The following ZFP91 variants were observed in gnomAD, a reference collection of about 807,000 sequenced individuals.
ZFP91 encodes E3 ubiquitin-protein ligase ZFP91.
A neutral mutation model predicts 63.5 loss-of-function variants in ZFP91; 7 were observed. That is an observed-to-expected ratio of 0.11 (90% CI 0.06 to 0.21). The LOEUF is 0.21. ZFP91 is among the 10% of genes least tolerant of loss of function. The pLI, the probability that ZFP91 is intolerant of heterozygous loss-of-function variation, is 1.00. For synonymous variants in ZFP91, 330 were observed against 272.1 expected, an observed-to-expected ratio of 1.21 and a Z score of -2.10; for missense variants, 628 against 736.6, an observed-to-expected ratio of 0.85 and a Z score of 1.71.
rs1658900193 is a variant in ZFP91, at chr11:58,617,883, C to G, written c.*177C>G. The G allele has an allele frequency of 5.4e-6, 4 of 746,228 alleles. No homozygotes were observed. Among genetic ancestry groups the G allele is most frequent in the Non-Finnish European group, 7.4e-6 (4 of 538,298 alleles). The allele number at this position is 746,228 out of a possible 1,614,324, so 46.2% of individuals were successfully genotyped here. A position where few individuals can be genotyped will look rare whatever the true frequency, so the allele number is the denominator to read the frequency against. ...CCTCCACCTCCCCATCCCCTGTTCT[C>G]CCTCTGTTGCTCCCCTTATAAAATT... is the stretch of plus-strand genomic sequence containing the variant. On this transcript the variant is annotated 3_prime_UTR_variant, in exon 11 of 11. Coordinates refer to ENST00000316059, the MANE Select transcript of ZFP91 (RefSeq NM_053023.5). The surrounding 1 kb of genome is among the most constrained non-coding windows in gnomAD (Gnocchi z 4.2).
intron 2 of ZFP91, among the ~76,000 whole-genome samples, chr11:58,591,567 T>C (rs1023525136): frequency 2.6e-5 from 4 of 152,198 alleles, no homozygotes; most frequent in African/African-American, 9.7e-5. Flanking sequence ...ACCCTAATAA[T>C]GTCCTTCATG....
At chr11:58,606,356 T>A (rs1855570151) in intron 2 of ZFP91, among the ~76,000 whole-genome samples, 1 of 152,206 alleles carries the variant, frequency 6.6e-6, no homozygotes, top group African/African-American at 2.4e-5. Context: ...TGTGAGCCAC[T>A]GTACCCGGCC....
intron 2 of ZFP91, among the ~76,000 whole-genome samples, chr11:58,589,815 A>G (rs1192038815): frequency 6.6e-6 from 1 of 152,170 alleles, no homozygotes; most frequent in African/African-American, 2.4e-5. Context: ...GTTCTTTTCC[A>G]TTATTAATTT....
intron 1 of ZFP91, 152 bp downstream of exon 1, chr11:58,579,774 C>T (rs940786900): frequency 2.7e-5 from 19 of 708,952 alleles, no homozygotes; most frequent in Admixed American, 1.2e-4. Flanking sequence ...CCCCGGGAGC[C>T]TTCGTGCCTC....
intron 2 of ZFP91, among the ~76,000 whole-genome samples, chr11:58,607,001 A>G (rs7112500): frequency 0.03 from 4,565 of 152,112 alleles, 229 homozygotes; most frequent in African/African-American, 0.1. Flanking sequence ...AAGATAGGCT[A>G]TTATGCCTTA....
At chr11:58,612,478 A>G (rs1332931156) in intron 7 of ZFP91, 150 bp downstream of exon 7, 3 of 712,388 alleles carry the variant, frequency 4.2e-6, no homozygotes, top group Non-Finnish European at 7.0e-6. Flanking sequence ...CACAGGTGTT[A>G]TGATCTTATT....
At chr11:58,596,145 A>C (rs181158856) in intron 2 of ZFP91, among the ~76,000 whole-genome samples, 242 of 152,316 alleles carry the variant, frequency 1.6e-3, no homozygotes, top group Non-Finnish European at 2.7e-3. Flanking sequence ...TCTGGAGAGA[A>C]GAAAATTTAT....
At chr11:58,596,025 A>G (rs894086904) in intron 2 of ZFP91, among the ~76,000 whole-genome samples, 4 of 152,198 alleles carry the variant, frequency 2.6e-5, no homozygotes, top group Non-Finnish European at 5.9e-5. Context: ...TTAACTTCCC[A>G]GAAACTTTAC....
chr11:58,610,962 AGAG>A lies in ZFP91; in HGVS notation c.639_641del (p.Glu216del), dbSNP rs766623386. On this transcript the variant is annotated inframe_deletion, in exon 5 of 11. Coordinates refer to ENST00000316059, the MANE Select transcript of ZFP91 (RefSeq NM_053023.5). ...TACTTATTTTTAGTAGTGAAGAGGA[AGAG>A]GAGGAGGAAGAAGAGATGTTAATCA... 1.2e-5 allele frequency: 20 copies of A among 1,611,410 alleles called. No homozygotes were observed. Among genetic ancestry groups the A allele is most frequent in the African/African-American group, 2.7e-5 (2 of 74,876 alleles).
intron 1 of ZFP91, among the ~76,000 whole-genome samples, chr11:58,581,290 C>G: frequency 6.6e-6 from 1 of 152,198 alleles, no homozygotes; most frequent in East Asian, 1.9e-4. Flanking sequence ...TTTATTCTCA[C>G]CTACCCCTTG....
intron 2 of ZFP91, among the ~76,000 whole-genome samples, chr11:58,586,101 G>T (rs962068859): frequency 2.6e-5 from 4 of 152,046 alleles, no homozygotes; most frequent in African/African-American, 9.7e-5. Flanking sequence ...AAAATGGAAG[G>T]TCTCACATTT....
intron 1 of ZFP91, among the ~76,000 whole-genome samples, chr11:58,584,497 T>C (rs191243884): frequency 6.5e-4 from 99 of 152,232 alleles, no homozygotes; most frequent in Middle Eastern, 3.4e-3. Flanking sequence ...AATCACTTAA[T>C]GTAACAAAAT....
Position 58,620,636 on chromosome 11 carries a change from CA to C in ZFP91, c.*2931del, listed in dbSNP as rs1393823726. 1 of 152,596 alleles carries C rather than the reference CA, an allele frequency of 6.6e-6. No homozygotes were observed. The highest frequency in any genetic ancestry group is 3.2e-3 in the Middle Eastern group (1 of 316). 9.5% of individuals were successfully genotyped at this position (152,596 alleles called of 1,614,324 possible). A position where few individuals can be genotyped will look rare whatever the true frequency, so the allele number is the denominator to read the frequency against. Reference sequence around the variant, plus strand: ...ATATCGAGGTATAGACTAGCATCCACATAGAGCACTTGAACCTCCTTTGTAC... The same window carrying C: ...ATATCGAGGTATAGACTAGCATCCACTAGAGCACTTGAACCTCCTTTGTAC... On this transcript the variant is annotated 3_prime_UTR_variant, in exon 11 of 11. Transcript: ENST00000316059.
At chr11:58,614,190 A>ATTT in intron 8 of ZFP91, 39 bp from the exon 9 acceptor site, 8 of 1,050,450 alleles carry the variant, frequency 7.6e-6, no homozygotes, top group East Asian at 3.2e-5. Context: ...GGAAGCCTTA[A>ATTT]TTTTTTTTTT....
At chr11:58,607,734 T>G (rs1302197996) in intron 2 of ZFP91, among the ~76,000 whole-genome samples, 1 of 152,212 alleles carries the variant, frequency 6.6e-6, no homozygotes, top group African/African-American at 2.4e-5. Flanking sequence ...GTTGCCATAC[T>G]GTATATATAG....
chr11:58,585,587 T>C (rs1388247378), intron 2 of ZFP91, among the ~76,000 whole-genome samples: 1 of 152,228 alleles, frequency 6.6e-6, no homozygotes, highest in African/African-American at 2.4e-5. Flanking sequence ...ATTTCTTTTA[T>C]TACGTGTGAC....
chr11:58,617,624 C>T lies in ZFP91; in HGVS notation c.1631C>T (p.Thr544Ile). 1 of 1,590,566 alleles carries T rather than the reference C, an allele frequency of 6.3e-7. No individual in the cohort carries two copies. Among genetic ancestry groups the T allele is most frequent in the South Asian group, 1.2e-5 (1 of 86,690 alleles). Reference sequence around the variant, plus strand: ...GTGGGAAGCGGCAGCAGTGGAGGCACTGAAGGGCTGGTTATGAACTCAGAT... The same window carrying T: ...GTGGGAAGCGGCAGCAGTGGAGGCATTGAAGGGCTGGTTATGAACTCAGAT... ...IFVGSGSSGG[T>I]EGLVMNSDIL... is the part of the protein sequence containing the mutation. The change falls in exon 11 of 11, where the codon ACT (threonine) becomes ATT (isoleucine). Residue 544 changes from threonine to isoleucine, a missense_variant. Coordinates refer to ENST00000316059, the MANE Select transcript of ZFP91 (RefSeq NM_053023.5). The surrounding 1 kb of genome is among the most constrained non-coding windows in gnomAD (Gnocchi z 4.2).
chr11:58,598,250 T>C (rs2134404441), intron 2 of ZFP91, among the ~76,000 whole-genome samples: 1 of 152,258 alleles, frequency 6.6e-6, no homozygotes, highest in Admixed American at 6.5e-5. Flanking sequence ...TTTTTATATT[T>C]GTGTATATTT....
intron 2 of ZFP91, among the ~76,000 whole-genome samples, chr11:58,600,315 CTTTTTATTCT>C (rs1357370990): frequency 6.6e-6 from 1 of 151,802 alleles, no homozygotes; most frequent in Non-Finnish European, 1.5e-5. Context: ...TATTTTATTC[CTTTTTATTCT>C]ATTGTAAAGG....
Sources: allele counts gnomAD v4.1 joint callset (sites outside exome capture counted in the v4.1 genomes callset), GRCh38; gene constraint gnomAD v4.1.1; non-coding constraint Gnocchi (gnomAD v3.1); transcripts MANE v1.5; gene names NCBI Gene and HGNC (gene_info 2026-07-23, HGNC 2026-07-21).